Variants in EPM2A observed in about 807,000 individuals in gnomAD.
EPM2A encodes EPM2A glucan phosphatase, laforin.
Under a neutral mutation model 26.5 loss-of-function variants are expected in EPM2A, and 21 were observed. The observed-to-expected ratio is 0.79, with a 90% CI of 0.56 to 1.14. The LOEUF is 1.14. Among genes scored for constraint, EPM2A ranks in the 50% most tolerant of loss-of-function variants. The probability of loss-of-function intolerance (pLI) is 0.00; values close to 1 mark genes in which losing one functional copy is unlikely to be tolerated. For missense variants in EPM2A, 458 were observed against 440.8 expected (o/e 1.04, Z -0.35); for synonymous variants, 217 against 177.6 (o/e 1.22, Z -1.76).
intron 2 of EPM2A, among the ~76,000 whole-genome samples, chr6:145,576,018 T>C (rs896318715): frequency 9.2e-5 from 14 of 152,170 alleles, no homozygotes; most frequent in Non-Finnish European, 1.5e-5. Flanking sequence ...GTACTTTCAG[T>C]AAAGATGGAG....
At chr6:145,644,111 T>C (rs1182522650) in intron 2 of EPM2A, among the ~76,000 whole-genome samples, 1 of 152,142 alleles carries the variant, frequency 6.6e-6, no homozygotes, top group Middle Eastern at 3.2e-3. Flanking sequence ...TACATTGCAA[T>C]GGTGCAGTAC....
chr6:145,673,472 A>C (rs142903927), intron 2 of EPM2A, among the ~76,000 whole-genome samples: 39 of 152,280 alleles, frequency 2.6e-4, no homozygotes, highest in African/African-American at 8.9e-4. Flanking sequence ...AGGGCGGCGC[A>C]TTGCCTCACT....
chr6:145,656,774 T>A (rs1778323509), intron 2 of EPM2A, among the ~76,000 whole-genome samples: 1 of 152,184 alleles, frequency 6.6e-6, no homozygotes, highest in Non-Finnish European at 1.5e-5. Context: ...ATGTTCTTAT[T>A]CTCAGGATAC....
At chr6:145,686,984 T>C (rs550979075) in intron 1 of EPM2A, 4 of 152,554 alleles carry the variant, frequency 2.6e-5, no homozygotes, top group Non-Finnish European at 5.9e-5. Context: ...AGACACACCA[T>C]CTTCCTTCCA....
intron 4 of EPM2A, among the ~76,000 whole-genome samples, chr6:145,469,115 T>C (rs2114723680): frequency 6.6e-6 from 1 of 152,124 alleles, no homozygotes; most frequent in African/African-American, 2.4e-5. Context: ...AAACTTACAA[T>C]TATGGCAGAA....
chr6:145,501,335 T>G (rs1424474448), downstream of EPM2A, among the ~76,000 whole-genome samples: 1 of 152,254 alleles, frequency 6.6e-6, no homozygotes, highest in Admixed American at 6.5e-5. Flanking sequence ...GAATGTTGTA[T>G]AAAATACAAA....
intron 4 of EPM2A, among the ~76,000 whole-genome samples, chr6:145,385,040 A>G (rs1195037031): frequency 6.7e-6 from 1 of 148,190 alleles, no homozygotes; most frequent in African/African-American, 2.5e-5. Flanking sequence ...ATAGCATCGC[A>G]TGAATAAAGG....
At position 145,655,049 on chromosome 6, in the gene EPM2A, T is replaced by C. The variant is rs892201832; in HGVS notation, c.477-19563A>G. On this transcript the variant is annotated intron_variant, in intron 2 of 3. Coordinates refer to ENST00000367519, the MANE Select transcript of EPM2A (RefSeq NM_005670.4). ...AAAATGCACGCATCGTTTTGTTTGA[T>C]TTGGTTTTGTTGAATTTGTGTGTGT... Among the ~76,000 whole-genome samples the C allele has an allele frequency of 5.3e-5, 8 of 152,180 alleles. No individual in the cohort carries two copies. In the East Asian group the frequency reaches 1.3e-3, roughly 26 times the overall value.
chr6:145,564,592 T>G (rs1461625919), intron 2 of EPM2A, among the ~76,000 whole-genome samples: 1 of 152,232 alleles, frequency 6.6e-6, no homozygotes, highest in Non-Finnish European at 1.5e-5. Context: ...CAGAAAACTG[T>G]CTATTTGTTA....
At chr6:145,678,893 T>C (rs1463387554) in intron 2 of EPM2A, among the ~76,000 whole-genome samples, 2 of 152,146 alleles carry the variant, frequency 1.3e-5, no homozygotes, top group African/African-American at 4.8e-5. Context: ...AGTGATCCTA[T>C]TACTGGGTAT....
At chr6:145,477,954 T>C (rs1008993231) in intron 4 of EPM2A, among the ~76,000 whole-genome samples, 13 of 151,896 alleles carry the variant, frequency 8.6e-5, no homozygotes, top group Admixed American at 7.9e-4. Context: ...GAGAAAGATA[T>C]AAAGGGCATC....
chr6:145,679,569 A>C (rs1454072756), intron 2 of EPM2A, among the ~76,000 whole-genome samples: 3 of 152,138 alleles, frequency 2.0e-5, no homozygotes, highest in Non-Finnish European at 4.4e-5. Flanking sequence ...GAAATAATTG[A>C]AGAAATTTAC....
chr6:145,714,701 T>A (rs991208417), intron 1 of EPM2A, among the ~76,000 whole-genome samples: 1 of 152,172 alleles, frequency 6.6e-6, no homozygotes, highest in Non-Finnish European at 1.5e-5. Context: ...AAGTCACATC[T>A]TACATGGATG....
At chr6:145,587,164 C>T (rs987848024) in intron 2 of EPM2A, among the ~76,000 whole-genome samples, 1 of 152,124 alleles carries the variant, frequency 6.6e-6, no homozygotes, top group Non-Finnish European at 1.5e-5. Context: ...AGAAGGCATT[C>T]AGTAATTGGT....
intron 1 of EPM2A, chr6:145,734,546 G>T (rs542626230): frequency 5.3e-5 from 8 of 149,914 alleles, no homozygotes; most frequent in African/African-American, 1.2e-4. Flanking sequence ...GATTAAAAAA[G>T]AAAAAAAAAT....
chr6:145,577,707 G>T (rs35205043), intron 2 of EPM2A, among the ~76,000 whole-genome samples: 54 of 151,908 alleles, frequency 3.6e-4, no homozygotes, highest in Non-Finnish European at 7.2e-4. Context: ...GGACCTAAAA[G>T]ACATTTACAG....
chr6:145,673,529 A>G (rs551110398), intron 2 of EPM2A, among the ~76,000 whole-genome samples: 1 of 152,346 alleles, frequency 6.6e-6, no homozygotes, highest in East Asian at 1.9e-4. Flanking sequence ...AGCCAAGGGA[A>G]GCTATGACAG....
chr6:145,531,898 C>T (rs1780361401), intron 2 of EPM2A, among the ~76,000 whole-genome samples: 1 of 152,192 alleles, frequency 6.6e-6, no homozygotes, highest in South Asian at 2.1e-4. Flanking sequence ...AGCTCATCTT[C>T]TAAATCTGCC....
At chr6:145,735,133 C>T (rs1476255517) in intron 1 of EPM2A, 65 bp downstream of exon 1, 2 of 1,290,152 alleles carry the variant, frequency 1.6e-6, no homozygotes, top group Non-Finnish European at 2.1e-6. Context: ...GAGGCCGAGG[C>T]CCCGGTTGGG....
Sources: gnomAD v4.1 joint callset for allele counts (sites outside exome capture counted in the v4.1 genomes callset) on GRCh38, gnomAD v4.1.1 for gene constraint, MANE v1.5 for transcripts, NCBI Gene and HGNC (gene_info 2026-07-23, HGNC 2026-07-21) for gene names.